Variants in GRIP1 observed in about 807,000 individuals in gnomAD.
GRIP1 encodes the protein glutamate receptor interacting protein 1.
In GRIP1, 45 loss-of-function variants were observed where a neutral mutation model predicts 129.9. The observed-to-expected ratio is 0.35, with a 90% confidence interval of 0.27 to 0.44. GRIP1 has a LOEUF of 0.44. Ranked by LOEUF, GRIP1 falls within the 20% of genes least tolerant of loss-of-function variation. GRIP1 has a pLI of 1.00. For missense variants in GRIP1, 1,196 were observed against 1,396.8 expected (o/e 0.86, Z 2.29); for synonymous variants, 530 against 520.8 (o/e 1.02, Z -0.24).
At chr12:66,858,503 C>T (rs191092402) in intron 1 of GRIP1, among the ~76,000 whole-genome samples, 38 of 151,936 alleles carry the variant, frequency 2.5e-4, no homozygotes, top group Middle Eastern at 3.4e-3. Context: ...ATTCTAGCTA[C>T]TAAAACTCTC....
At chr12:66,583,933 A>C (rs2139646083) in intron 2 of GRIP1, among the ~76,000 whole-genome samples, 1 of 138,378 alleles carries the variant, frequency 7.2e-6, no homozygotes, top group Non-Finnish European at 1.6e-5. Flanking sequence ...ACTATAAATC[A>C]TGCTGCTATA....
chr12:67,050,000 T>C (rs2043316703), intron 1 of GRIP1, among the ~76,000 whole-genome samples: 1 of 149,460 alleles, frequency 6.7e-6, no homozygotes. Flanking sequence ...ACTTGTCCTA[T>C]GTCAAATGTT....
intron 15 of GRIP1, among the ~76,000 whole-genome samples, chr12:66,416,969 A>G (rs933459789): frequency 6.6e-6 from 1 of 151,844 alleles, no homozygotes; most frequent in Non-Finnish European, 1.5e-5. Flanking sequence ...AAAGAAAAGA[A>G]AAGAAAAAGA....
At chr12:66,964,416 C>G (rs2041967250) in intron 1 of GRIP1, among the ~76,000 whole-genome samples, 1 of 151,876 alleles carries the variant, frequency 6.6e-6, no homozygotes, top group African/African-American at 2.4e-5. Context: ...AGCTTACTGC[C>G]CTAATGCCTA....
At chr12:67,032,242 A>G (rs2043033458) in intron 1 of GRIP1, among the ~76,000 whole-genome samples, 1 of 152,186 alleles carries the variant, frequency 6.6e-6, no homozygotes, top group Non-Finnish European at 1.5e-5. Flanking sequence ...TTCGCACATG[A>G]ACAGAATTCA....
intron 13 of GRIP1, among the ~76,000 whole-genome samples, chr12:66,439,043 G>A (rs1234461994): frequency 1.3e-5 from 2 of 152,230 alleles, no homozygotes; most frequent in Non-Finnish European, 2.9e-5. Flanking sequence ...CTCTGAGCAT[G>A]TGACATTTGA....
chr12:66,864,568 A>T (rs1184869026), intron 1 of GRIP1, among the ~76,000 whole-genome samples: 1 of 150,908 alleles, frequency 6.6e-6, no homozygotes, highest in East Asian at 2.0e-4. Flanking sequence ...ATAAAAAAAA[A>T]ATAGCTGGGT....
intron 1 of GRIP1, among the ~76,000 whole-genome samples, chr12:66,780,058 T>C (rs191278192): frequency 2.0e-3 from 308 of 152,108 alleles, no homozygotes; most frequent in Non-Finnish European, 3.8e-3. Flanking sequence ...GGGTAAGATG[T>C]TGGTGGTAGT....
chr12:66,589,215 TC>T, intron 2 of GRIP1, among the ~76,000 whole-genome samples: 1 of 143,798 alleles, frequency 7.0e-6, no homozygotes, highest in African/African-American at 2.6e-5. Context: ...TCTCTCTCTC[TC>T]TCTCTCTCTC....
chr12:66,818,656 A>G (rs1019869148), intron 1 of GRIP1, among the ~76,000 whole-genome samples: 13 of 152,306 alleles, frequency 8.5e-5, no homozygotes, highest in African/African-American at 2.9e-4. Context: ...TATTAAAAAG[A>G]TATTTATTAT....
intron 1 of GRIP1, among the ~76,000 whole-genome samples, chr12:66,723,275 C>T (rs1255967227): frequency 0.079 from 906 of 11,444 alleles, 82 homozygotes; most frequent in African/African-American, 0.24. Flanking sequence ...TTCCTTCCTT[C>T]CTTCCTTCCT....
chr12:66,773,304 A>G (rs922944713), intron 1 of GRIP1, among the ~76,000 whole-genome samples: 1 of 152,222 alleles, frequency 6.6e-6, no homozygotes, highest in Admixed American at 6.5e-5. Flanking sequence ...ATACCTGTGC[A>G]TGTGTCTTTA....
chr12:66,842,344 G>A (rs2039734533), intron 1 of GRIP1, among the ~76,000 whole-genome samples: 1 of 151,808 alleles, frequency 6.6e-6, no homozygotes, highest in Non-Finnish European at 1.5e-5. Context: ...ATATTGGAAG[G>A]ATATATCATG....
chr12:66,723,855 C>A (rs1023002801), intron 1 of GRIP1, among the ~76,000 whole-genome samples: 1 of 152,216 alleles, frequency 6.6e-6, no homozygotes, highest in South Asian at 2.1e-4. Context: ...TGTGAACACA[C>A]GCCTGATGAA....
intron 1 of GRIP1, among the ~76,000 whole-genome samples, chr12:66,942,856 G>A (rs545852184): frequency 1.3e-5 from 2 of 152,278 alleles, no homozygotes; most frequent in African/African-American, 4.8e-5. Flanking sequence ...TTTATAAGAA[G>A]AAACAGCAGA....
chr12:66,969,412 TTTGG>T (rs1300748901), intron 1 of GRIP1, among the ~76,000 whole-genome samples: 1 of 152,130 alleles, frequency 6.6e-6, no homozygotes, highest in East Asian at 1.9e-4. Flanking sequence ...CTGTTGTTTG[TTTGG>T]TTGGTTTTTG....
At chr12:66,958,369 C>T (rs1044466235) in intron 1 of GRIP1, among the ~76,000 whole-genome samples, 4 of 152,186 alleles carry the variant, frequency 2.6e-5, no homozygotes, top group Middle Eastern at 3.4e-3. Flanking sequence ...CTTACCCAAG[C>T]GATCCTCCCA....
At chr12:66,924,610 T>A (rs1465289926) in intron 1 of GRIP1, among the ~76,000 whole-genome samples, 2 of 152,170 alleles carry the variant, frequency 1.3e-5, no homozygotes, top group African/African-American at 4.8e-5. Context: ...ACTGGCTAAC[T>A]GAGAGAACAT....
chr12:66,555,943 A>G (rs1451371525), intron 2 of GRIP1, among the ~76,000 whole-genome samples: 2 of 152,182 alleles, frequency 1.3e-5, no homozygotes, highest in African/African-American at 4.8e-5. Flanking sequence ...CAAAAGGGCA[A>G]ACCTAAGAGT....
Sources: gnomAD v4.1 joint callset for allele counts (sites outside exome capture counted in the v4.1 genomes callset) on GRCh38, gnomAD v4.1.1 for gene constraint, MANE v1.5 for transcripts, NCBI Gene and HGNC (gene_info 2026-07-23, HGNC 2026-07-21) for gene names.